PCDHGA5: variants seen among roughly 807,000 people sequenced by gnomAD.
The protein encoded by PCDHGA5 is protocadherin gamma-A5.
Under a neutral mutation model 56.7 loss-of-function variants are expected in PCDHGA5, and 36 were observed. The observed-to-expected ratio is 0.64, with a 90% CI of 0.49 to 0.84. The LOEUF is 0.84. Ranked by LOEUF, PCDHGA5 falls within the 40% of genes least tolerant of loss-of-function variation. The pLI is 0.00. For synonymous variants in PCDHGA5, 563 were observed against 520.2 expected, an observed-to-expected ratio of 1.08 and a Z score of -1.12; for missense variants, 1,305 against 1,201.5, an observed-to-expected ratio of 1.09 and a Z score of -1.27.
At chr5:141,372,152 C>G in intron 1 of PCDHGA5, 1 of 1,613,792 alleles carries the variant, frequency 6.2e-7, no homozygotes, top group East Asian at 2.2e-5. Context: ...AGCCTGGCTA[C>G]CTGGTGACCA....
chr5:141,369,694 A>G (rs925359882), intron 1 of PCDHGA5, among the ~76,000 whole-genome samples: 1 of 152,246 alleles, frequency 6.6e-6, no homozygotes, highest in Non-Finnish European at 1.5e-5. Flanking sequence ...AATAAAACTA[A>G]AAGCTATGAC....
At chr5:141,414,681 G>T (rs780836649) in intron 1 of PCDHGA5, 2 of 1,613,836 alleles carry the variant, frequency 1.2e-6, no homozygotes, top group Non-Finnish European at 8.5e-7. Flanking sequence ...CCATCCAGGG[G>T]GTACCTCTGT....
At chr5:141,492,495 G>A (rs750427038) in intron 1 of PCDHGA5, among the ~76,000 whole-genome samples, 65 of 152,186 alleles carry the variant, frequency 4.3e-4, no homozygotes, top group Non-Finnish European at 6.0e-4. Context: ...ACCAGGCGAG[G>A]ACTCCGGAGC....
At position 141,493,061 on chromosome 5, in the gene PCDHGA5, C is replaced by G. The variant is rs1386090478; in HGVS notation, c.2422-1746C>G. On this transcript the variant is annotated intron_variant, in intron 1 of 3. Transcript: ENST00000518069. The surrounding 1 kb of genome is among the most constrained non-coding windows in gnomAD (Gnocchi z 4.3). The stretch of plus-strand genomic sequence containing the variant: ...GAGGAAACTACAATAGTAAAAAACA[C>G]AAGTTTCTCCAACTCCAGGAGCTTT... Among the ~76,000 whole-genome samples the G allele has an allele frequency of 6.6e-6, 1 of 152,228 alleles. No individual in the cohort carries two copies. Among genetic ancestry groups the G allele is most frequent in the African/African-American group, 2.4e-5 (1 of 41,446 alleles).
chr5:141,423,082 G>T (rs1390567548), intron 1 of PCDHGA5: 3 of 1,614,078 alleles, frequency 1.9e-6, no homozygotes, highest in Non-Finnish European at 2.5e-6. Context: ...GGGACTCTTC[G>T]CGGTGGGGGA....
intron 1 of PCDHGA5, among the ~76,000 whole-genome samples, chr5:141,381,748 T>C (rs1252356879): frequency 6.6e-6 from 1 of 152,130 alleles, no homozygotes; most frequent in Non-Finnish European, 1.5e-5. Context: ...GATTCCGACA[T>C]TGTTCTACTA....
At chr5:141,439,739 G>A (rs867225156) in intron 1 of PCDHGA5, 4 of 152,312 alleles carry the variant, frequency 2.6e-5, no homozygotes, top group Non-Finnish European at 5.9e-5. Flanking sequence ...GGAACGGAAC[G>A]GATTTACAGG....
chr5:141,494,818 C>T lies in PCDHGA5; in HGVS notation c.2433C>T (p.Pro811=). The part of the protein sequence containing the change: ...KEERRVQQAP[P]NTDWRFSQAQ... ...TGTTTTCTCCACAGCAAGCCCCGCCCAACACGGACTGGCGTTTCTCTCAGG... is the reference window on the plus strand; with the variant it reads ...TGTTTTCTCCACAGCAAGCCCCGCCTAACACGGACTGGCGTTTCTCTCAGG... Residue 811 remains proline (P), a synonymous_variant, in exon 2 of 4, where the codon CCC becomes CCT. Transcript: ENST00000518069. 1.9e-6 allele frequency: 3 copies of T among 1,614,152 alleles called. No homozygotes were observed. The highest frequency in any genetic ancestry group is 2.2e-5 in the South Asian group (2 of 91,074).
intron 1 of PCDHGA5, among the ~76,000 whole-genome samples, chr5:141,456,902 G>A (rs886945444): frequency 6.6e-6 from 1 of 152,294 alleles, no homozygotes; most frequent in South Asian, 2.1e-4. Flanking sequence ...GGCAGAGGTT[G>A]CAGTGAGCCG....
At chr5:141,379,573 G>C (rs1470548160) in intron 1 of PCDHGA5, 1 of 152,120 alleles carries the variant, frequency 6.6e-6, no homozygotes, top group Non-Finnish European at 1.5e-5. Context: ...GATCAGGCTG[G>C]TTTATTTTAT....
intron 2 of PCDHGA5, among the ~76,000 whole-genome samples, chr5:141,498,309 G>A (rs2099783046): frequency 6.6e-6 from 1 of 151,844 alleles, no homozygotes; most frequent in Non-Finnish European, 1.5e-5. Flanking sequence ...GGGTCACACT[G>A]CCTACACAGA....
At chr5:141,494,926 G>C in intron 2 of PCDHGA5, 61 bp downstream of exon 2, 2 of 1,613,498 alleles carry the variant, frequency 1.2e-6, no homozygotes, top group Non-Finnish European at 1.7e-6. Context: ...GGATGACGTG[G>C]GAGGAGATGG....
rs1257609378 is a variant in PCDHGA5 at position 141,385,552 on chromosome 5, T to TA, written c.2421+18801_2421+18802insA. Reference sequence around the variant, plus strand: ...ATTATGAATATGTGGACTATCACATTTTATAATTTCCACCTACTTTCCAAT... The same window carrying TA: ...ATTATGAATATGTGGACTATCACATTATTATAATTTCCACCTACTTTCCAAT... On this transcript the variant is annotated intron_variant, in intron 1 of 3. Transcript: ENST00000518069. 1.1e-5 allele frequency: 14 copies of TA among 1,315,750 alleles called. No individual in the cohort carries two copies. The African/African-American group carries it at 2.1e-4, about 20-fold the overall frequency. The allele number at this position is 1,315,750 out of a possible 1,614,324, so 81.5% of individuals were successfully genotyped here. A position where few individuals can be genotyped will look rare whatever the true frequency, so the allele number is the denominator to read the frequency against.
At chr5:141,392,608 AT>A in intron 1 of PCDHGA5, 1 of 519,670 alleles carries the variant, frequency 1.9e-6, no homozygotes, top group Non-Finnish European at 3.3e-6. Context: ...TGGAAGACAA[AT>A]GCAACCGAAA....
chr5:141,465,893 C>T (rs926928579), intron 1 of PCDHGA5, among the ~76,000 whole-genome samples: 23 of 152,078 alleles, frequency 1.5e-4, no homozygotes, highest in Middle Eastern at 3.4e-3. Context: ...GAGGCCGAGG[C>T]GGGCAAATCA....
chr5:141,365,516 A>C lies in PCDHGA5; in HGVS notation c.1186A>C (p.Lys396Gln), dbSNP rs778402977. ...TAGGAATTTGCCTTTTAAATTGGAG[A>C]AGTCAGTTGATAATTACTATCACCT... ...IPRNLPFKLE[K>Q]SVDNYYHLLT... The change falls in exon 1 of 4, where the codon AAG (lysine) becomes CAG (glutamine). Residue 396 changes from lysine to glutamine, a missense_variant. By Grantham distance (53) the Lys-to-Gln change is moderately conservative. Transcript: ENST00000518069. 6.2e-7 allele frequency: 1 copy of C among 1,613,878 alleles called. No individual in the cohort carries two copies. Among genetic ancestry groups the C allele is most frequent in the South Asian group, 1.1e-5 (1 of 91,078 alleles).
At chr5:141,406,777 C>G (rs1235306644) in intron 1 of PCDHGA5, among the ~76,000 whole-genome samples, 1 of 152,150 alleles carries the variant, frequency 6.6e-6, no homozygotes, top group Non-Finnish European at 1.5e-5. Flanking sequence ...ATTTCTCTCA[C>G]TTATATATTA....
At chr5:141,389,829 C>T in intron 1 of PCDHGA5, 3 of 1,613,980 alleles carry the variant, frequency 1.9e-6, no homozygotes, top group Non-Finnish European at 2.5e-6. Context: ...TGACGGTGGA[C>T]AGCCACCACT....
intron 1 of PCDHGA5, chr5:141,478,592 TC>T: frequency 6.4e-7 from 1 of 1,570,334 alleles, no homozygotes; most frequent in Non-Finnish European, 8.6e-7. Flanking sequence ...GCTTTTTTAT[TC>T]CTACATCATA....
Sources: allele counts gnomAD v4.1 joint callset (sites outside exome capture counted in the v4.1 genomes callset), GRCh38; gene constraint gnomAD v4.1.1; non-coding constraint Gnocchi (gnomAD v3.1); transcripts MANE v1.5; gene names NCBI Gene and HGNC (gene_info 2026-07-23, HGNC 2026-07-21).